Variants in CNGB3 observed in about 807,000 individuals in gnomAD.
CNGB3 encodes the protein cyclic nucleotide gated channel subunit beta 3, also known as cyclic nucleotide-gated channel beta-3.
A neutral mutation model predicts 92.8 loss-of-function variants in CNGB3; 86 were observed. The observed-to-expected ratio is 0.93, with a 90% CI of 0.78 to 1.11. The LOEUF (loss-of-function observed/expected upper bound fraction) is 1.11, where lower values mean the gene tolerates loss of function less well. CNGB3 is among the 50% of genes least tolerant of loss of function. CNGB3 has a pLI of 0.00. For missense variants in CNGB3, 1,026 were observed against 956.8 expected (o/e 1.07, Z -0.95); for synonymous variants, 333 against 332.7 (o/e 1.00, Z -0.01).
At chr8:86,678,544 T>C (rs774244171) in intron 3 of CNGB3, among the ~76,000 whole-genome samples, 2 of 152,176 alleles carry the variant, frequency 1.3e-5, no homozygotes, top group African/African-American at 2.4e-5. Flanking sequence ...GTGTAGAATA[T>C]GCTGCAATGC....
At chr8:86,591,045 ATTC>A (rs1438484980) in intron 15 of CNGB3, among the ~76,000 whole-genome samples, 3 of 151,994 alleles carry the variant, frequency 2.0e-5, no homozygotes, top group African/African-American at 4.8e-5. Flanking sequence ...GTTTCTTTTT[ATTC>A]TTTTTTCTCT....
intron 6 of CNGB3, chr8:86,661,843 G>C: frequency 1.4e-6 from 2 of 1,391,650 alleles, no homozygotes; most frequent in Non-Finnish European, 2.0e-6. Context: ...GTATCTTCTG[G>C]ACGTTCCAGA....
At chr8:86,585,979 A>C (rs898942157) in intron 15 of CNGB3, among the ~76,000 whole-genome samples, 1 of 152,324 alleles carries the variant, frequency 6.6e-6, no homozygotes, top group South Asian at 2.1e-4. Flanking sequence ...GAAACAAATA[A>C]TCTGTTTTAA....
Position 86,634,697 on chromosome 8 carries a change from C to T in CNGB3, c.1179-1804G>A, listed in dbSNP as rs141245251. Reference sequence around the variant, plus strand: ...AGACACAGAAAAGGAGTACTTTTTACGGAATCCTGCCCTAGTCGAGCTTTT... The same window carrying T: ...AGACACAGAAAAGGAGTACTTTTTATGGAATCCTGCCCTAGTCGAGCTTTT... On this transcript the variant is annotated intron_variant, in intron 10 of 17. Transcript: ENST00000320005. Among the ~76,000 whole-genome samples, 708 of 151,460 alleles carry T rather than the reference C, an allele frequency of 4.7e-3. 6 individuals carry two copies. The highest frequency in any genetic ancestry group is 0.016 in the African/African-American group (676 of 41,270).
chr8:86,630,052 T>C (rs1563732995), intron 11 of CNGB3, among the ~76,000 whole-genome samples: 1 of 152,302 alleles, frequency 6.6e-6, no homozygotes. Flanking sequence ...TGGCTCTTTT[T>C]AATTGTGATG....
chr8:86,593,497 T>G (rs1289879742), intron 15 of CNGB3, among the ~76,000 whole-genome samples: 1 of 152,230 alleles, frequency 6.6e-6, no homozygotes, highest in African/African-American at 2.4e-5. Context: ...AGTAAATCCC[T>G]TTATTTTCCT....
At chr8:86,655,683 A>G (rs1410199661) in intron 6 of CNGB3, among the ~76,000 whole-genome samples, 1 of 152,160 alleles carries the variant, frequency 6.6e-6, no homozygotes, top group Non-Finnish European at 1.5e-5. Context: ...ATTCTGAGCT[A>G]TGTAAGACAG....
Position 86,659,452 on chromosome 8 carries a change from T to G in CNGB3, c.853-5390A>C, listed in dbSNP as rs944456596. The G allele has an allele frequency of 4.1e-5, 26 of 635,704 alleles. No homozygotes were observed. The Admixed American group carries it at 4.6e-4, about 11-fold the overall frequency. 39.4% of individuals were successfully genotyped at this position (635,704 alleles called of 1,614,324 possible). A position where few individuals can be genotyped will look rare whatever the true frequency, so the allele number is the denominator to read the frequency against. On this transcript the variant is annotated intron_variant, in intron 6 of 17. Transcript: ENST00000320005. Reference sequence around the variant, plus strand: ...AGTTGAGCTGGATTCCTGACTTCTCTGTCACTAGGACTCAAATTTCTCTTC... The same window carrying G: ...AGTTGAGCTGGATTCCTGACTTCTCGGTCACTAGGACTCAAATTTCTCTTC...
At chr8:86,636,371 A>G (rs973151059) in intron 10 of CNGB3, among the ~76,000 whole-genome samples, 8 of 151,868 alleles carry the variant, frequency 5.3e-5, no homozygotes, top group Non-Finnish European at 1.0e-4. Flanking sequence ...TGGGAGTTTG[A>G]GACCAGTCTG....
At chr8:86,605,713 C>T (rs140198371) in intron 14 of CNGB3, among the ~76,000 whole-genome samples, 1 of 152,246 alleles carries the variant, frequency 6.6e-6, no homozygotes, top group African/African-American at 2.4e-5. Flanking sequence ...CAGTGCTGAA[C>T]GCAGGCTTGA....
At chr8:86,604,386 A>G (rs1295195162) in intron 14 of CNGB3, among the ~76,000 whole-genome samples, 175 bp from the exon 15 acceptor site, 1 of 152,248 alleles carries the variant, frequency 6.6e-6, no homozygotes, top group East Asian at 1.9e-4. Context: ...GGTTGAACAT[A>G]TCATGTGAAA....
chr8:86,686,420 T>C (rs528181073), intron 3 of CNGB3, among the ~76,000 whole-genome samples: 1 of 152,250 alleles, frequency 6.6e-6, no homozygotes, highest in East Asian at 1.9e-4. Context: ...CATTTGCAAC[T>C]TGATTTCTCT....
intron 3 of CNGB3, among the ~76,000 whole-genome samples, chr8:86,711,265 C>T (rs1824744348): frequency 6.6e-6 from 1 of 151,984 alleles, no homozygotes; most frequent in Non-Finnish European, 1.5e-5. Context: ...TTTTAATATC[C>T]CCAATGTGCT....
chr8:86,626,609 A>G (rs551046685), intron 12 of CNGB3, among the ~76,000 whole-genome samples: 1 of 152,180 alleles, frequency 6.6e-6, no homozygotes, highest in Non-Finnish European at 1.5e-5. Context: ...AAAGGACTGA[A>G]GCCCTGAGAA....
At chr8:86,598,000 TAAAA>T (rs60323079) in intron 15 of CNGB3, among the ~76,000 whole-genome samples, 25,695 of 151,204 alleles carry the variant, frequency 0.17, 2,903 homozygotes, top group African/African-American at 0.33. Flanking sequence ...TAAAATAAAA[TAAAA>T]TAAAATTAAA....
At chr8:86,612,146 TC>T (rs2131566467) in intron 13 of CNGB3, among the ~76,000 whole-genome samples, 1 of 152,202 alleles carries the variant, frequency 6.6e-6, no homozygotes, top group East Asian at 1.9e-4. Flanking sequence ...TGCAGGCTGG[TC>T]TATCTTTCTT....
At chr8:86,732,610 C>T (rs74663834) in intron 2 of CNGB3, among the ~76,000 whole-genome samples, 216 of 152,292 alleles carry the variant, frequency 1.4e-3, no homozygotes, top group African/African-American at 4.9e-3. Flanking sequence ...TTTCTTACAA[C>T]GAGCCCCTGC....
At chr8:86,677,169 C>G (rs1233529218) in intron 3 of CNGB3, among the ~76,000 whole-genome samples, 1 of 152,130 alleles carries the variant, frequency 6.6e-6, no homozygotes, top group Non-Finnish European at 1.5e-5. Context: ...AAAGGACCAA[C>G]CTTGAATTCA....
intron 10 of CNGB3, among the ~76,000 whole-genome samples, chr8:86,638,244 T>C (rs1265345904): frequency 2.6e-5 from 4 of 152,150 alleles, no homozygotes; most frequent in Non-Finnish European, 4.4e-5. Context: ...AATACCTACA[T>C]TGGAATTTTT....
Sources: allele counts gnomAD v4.1 joint callset (sites outside exome capture counted in the v4.1 genomes callset), GRCh38; gene constraint gnomAD v4.1.1; transcripts MANE v1.5; gene names NCBI Gene and HGNC (gene_info 2026-07-23, HGNC 2026-07-21).